The following FIGN variants were observed in gnomAD, a reference collection of about 807,000 sequenced individuals.
FIGN encodes fidgetin.
In FIGN, 11 loss-of-function variants were observed where a neutral mutation model predicts 51.3. That is an observed-to-expected ratio of 0.21 (90% CI 0.13 to 0.35). The LOEUF is 0.35. FIGN is among the 10% of genes least tolerant of loss of function. The pLI is 1.00. For synonymous variants in FIGN, 407 were observed against 363.2 expected, an observed-to-expected ratio of 1.12 and a Z score of -1.37; for missense variants, 857 against 943.6, an observed-to-expected ratio of 0.91 and a Z score of 1.20.
chr2:163,607,443 T>A lies in FIGN; in HGVS notation c.*2109A>T, dbSNP rs1331386574. The A allele has an allele frequency of 6.6e-6, 1 of 152,378 alleles. No homozygotes were observed. Among genetic ancestry groups the A allele is most frequent in the African/African-American group, 2.4e-5 (1 of 41,452 alleles). 9.4% of individuals were successfully genotyped at this position (152,378 alleles called of 1,614,324 possible). A position where few individuals can be genotyped will look rare whatever the true frequency, so the allele number is the denominator to read the frequency against. On this transcript the variant is annotated 3_prime_UTR_variant, in exon 3 of 3. Transcript: ENST00000333129. ...TAAATTCTGGTTCAATTGCTCAGTT[T>A]TTAGCAACATAAAAAATAAAAAAAG...
intron 2 of FIGN, among the ~76,000 whole-genome samples, chr2:163,698,761 C>T (rs759596056): frequency 1.3e-5 from 2 of 152,148 alleles, no homozygotes; most frequent in Non-Finnish European, 2.9e-5. Context: ...ACCTTTCAAT[C>T]GCTTGCCAAG....
At chr2:163,671,765 C>T (rs919906998) in intron 2 of FIGN, among the ~76,000 whole-genome samples, 1 of 152,154 alleles carries the variant, frequency 6.6e-6, no homozygotes. Flanking sequence ...CAAATAATTA[C>T]AGCTTCTGAT....
chr2:163,699,646 T>TA (rs1357683736), intron 2 of FIGN, among the ~76,000 whole-genome samples: 1 of 152,166 alleles, frequency 6.6e-6, no homozygotes, highest in African/African-American at 2.4e-5. Flanking sequence ...AACAAAGGTT[T>TA]AAAAAATTCC....
At chr2:163,706,483 T>C (rs1684501535) in intron 2 of FIGN, among the ~76,000 whole-genome samples, 1 of 152,160 alleles carries the variant, frequency 6.6e-6, no homozygotes, top group African/African-American at 2.4e-5. Context: ...TACTGGGAAT[T>C]TTAATAATAT....
intron 2 of FIGN, among the ~76,000 whole-genome samples, chr2:163,720,742 A>G (rs1303077553): frequency 6.6e-6 from 1 of 152,134 alleles, no homozygotes; most frequent in African/African-American, 2.4e-5. Flanking sequence ...AGCTTTCAAC[A>G]CTGTCATTTG....
At chr2:163,647,463 G>C (rs1241840419) in intron 2 of FIGN, among the ~76,000 whole-genome samples, 2 of 152,120 alleles carry the variant, frequency 1.3e-5, no homozygotes, top group Admixed American at 6.5e-5. Context: ...CACTAGATTA[G>C]AGATATGGAC....
chr2:163,733,147 TCC>T, intron 2 of FIGN, among the ~76,000 whole-genome samples: 1 of 152,308 alleles, frequency 6.6e-6, no homozygotes, highest in East Asian at 1.9e-4. Context: ...ATAACAAGGC[TCC>T]TAAGTTAACA....
intron 2 of FIGN, among the ~76,000 whole-genome samples, chr2:163,683,146 C>T (rs1432891654): frequency 2.0e-5 from 3 of 152,116 alleles, no homozygotes; most frequent in Non-Finnish European, 4.4e-5. Context: ...CTTTTCCTCC[C>T]CAGCCCATGC....
At position 163,609,941 on chromosome 2, in the gene FIGN, T is replaced by C; in HGVS notation, c.1891A>G (p.Ser631Gly). 6.2e-7 allele frequency: 1 copy of C among 1,614,046 alleles called. No individual in the cohort carries two copies. The highest frequency in any genetic ancestry group is 8.5e-7 in the Non-Finnish European group (1 of 1,180,012). ...GATTCATCTATTTCTTCTGGTTTACTGGTGGCACAAATTACTACGATTTGG... is the reference window on the plus strand; with the variant it reads ...GATTCATCTATTTCTTCTGGTTTACCGGTGGCACAAATTACTACGATTTGG... ...EDQIVVICAT[S>G]KPEEIDESLR... Residue 631 changes from serine (S) to glycine (G), a missense_variant, in exon 3 of 3, where the codon AGT becomes GGT. Physicochemically the swap from Ser to Gly is moderately conservative, Grantham distance 56. Coordinates refer to ENST00000333129, the MANE Select transcript of FIGN (RefSeq NM_018086.4).
intron 2 of FIGN, among the ~76,000 whole-genome samples, chr2:163,681,170 T>C (rs560542904): frequency 6.6e-6 from 1 of 152,112 alleles, no homozygotes; most frequent in Admixed American, 6.5e-5. Flanking sequence ...TGAGGAGGGG[T>C]CAATAAATAG....
chr2:163,703,699 A>G (rs1684445257), intron 2 of FIGN, among the ~76,000 whole-genome samples: 26 of 152,084 alleles, frequency 1.7e-4, no homozygotes, highest in Admixed American at 1.6e-3. Flanking sequence ...TTGAGCTCAA[A>G]TGACCCTCAT....
intron 2 of FIGN, among the ~76,000 whole-genome samples, chr2:163,703,411 T>C (rs1195924804): frequency 6.6e-6 from 1 of 152,050 alleles, no homozygotes; most frequent in African/African-American, 2.4e-5. Context: ...AACATGCAAA[T>C]TTGTAGGGGA....
chr2:163,612,125 A>G (rs981489151), intron 2 of FIGN, among the ~76,000 whole-genome samples: 1 of 152,198 alleles, frequency 6.6e-6, no homozygotes, highest in African/African-American at 2.4e-5. Flanking sequence ...CACATACACA[A>G]TCACATATAT....
chr2:163,620,549 A>G (rs1323627086), intron 2 of FIGN, among the ~76,000 whole-genome samples: 1 of 152,172 alleles, frequency 6.6e-6, no homozygotes, highest in East Asian at 1.9e-4. Context: ...TCCAGCCTGT[A>G]TGATTGATCC....
intron 2 of FIGN, among the ~76,000 whole-genome samples, chr2:163,640,980 AG>A (rs1219216918): frequency 2.0e-5 from 3 of 152,204 alleles, no homozygotes; most frequent in Non-Finnish European, 4.4e-5. Flanking sequence ...ACCCACAGCT[AG>A]CCAGGGAGGG....
intron 2 of FIGN, among the ~76,000 whole-genome samples, chr2:163,686,307 A>C (rs1684147647): frequency 6.6e-6 from 1 of 152,174 alleles, no homozygotes; most frequent in Non-Finnish European, 1.5e-5. Flanking sequence ...TCGCCACAAA[A>C]CAGAGGGTGA....
intron 2 of FIGN, among the ~76,000 whole-genome samples, chr2:163,726,938 T>C (rs1456230256): frequency 6.6e-6 from 1 of 152,072 alleles, no homozygotes; most frequent in Non-Finnish European, 1.5e-5. Context: ...AAAATGGGGA[T>C]TGTAATGAAA....
Position 163,606,663 on chromosome 2 carries a change from T to C in FIGN, c.*2889A>G, listed in dbSNP as rs960466294. On this transcript the variant is annotated 3_prime_UTR_variant, in exon 3 of 3. Transcript: ENST00000333129. ...AGAATAGAGCTCATTATTAAGCTAG[T>C]TTATAGAAGAGCTCATAATGCTGCC... 1 of 152,298 alleles carries C rather than the reference T, an allele frequency of 6.6e-6. No individual in the cohort carries two copies. The highest frequency in any genetic ancestry group is 6.5e-5 in the Admixed American group (1 of 15,278). The allele number at this position is 152,298 out of a possible 1,614,324, so 9.4% of individuals were successfully genotyped here. A position where few individuals can be genotyped will look rare whatever the true frequency, so the allele number is the denominator to read the frequency against.
chr2:163,704,503 T>C (rs16848805), intron 2 of FIGN, among the ~76,000 whole-genome samples: 4,916 of 152,124 alleles, frequency 0.032, 276 homozygotes, highest in African/African-American at 0.11. Context: ...TGATGTTACA[T>C]AGGCCAATTT....
Sources: allele counts gnomAD v4.1 joint callset (sites outside exome capture counted in the v4.1 genomes callset), GRCh38; gene constraint gnomAD v4.1.1; transcripts MANE v1.5; gene names NCBI Gene and HGNC (gene_info 2026-07-23, HGNC 2026-07-21).